Variants in THRB observed in about 807,000 individuals in gnomAD.
THRB encodes the protein thyroid hormone receptor beta.
Under a neutral mutation model 47.8 loss-of-function variants are expected in THRB, and 12 were observed. The ratio of observed to expected loss-of-function variants is 0.25; its 90% confidence interval spans 0.16 to 0.41. The LOEUF is 0.41. Among genes scored for constraint, THRB ranks in the 10% least tolerant of loss-of-function variants. THRB has a pLI of 1.00. For synonymous variants in THRB, 218 were observed against 212.2 expected, an observed-to-expected ratio of 1.03 and a Z score of -0.24; for missense variants, 348 against 589.2, an observed-to-expected ratio of 0.59 and a Z score of 4.24.
intron 5 of THRB, among the ~76,000 whole-genome samples, chr3:24,173,201 A>G (rs1052723357): frequency 6.6e-6 from 1 of 152,170 alleles, no homozygotes; most frequent in African/African-American, 2.4e-5. Flanking sequence ...TTTGAGAACC[A>G]CTGTCTTAGT....
At chr3:24,321,495 G>T (rs1454643597) in intron 2 of THRB, among the ~76,000 whole-genome samples, 1 of 151,990 alleles carries the variant, frequency 6.6e-6, no homozygotes, top group East Asian at 1.9e-4. Context: ...AATCCAAAAG[G>T]TCAACTATAA....
intron 4 of THRB, among the ~76,000 whole-genome samples, chr3:24,208,519 G>C (rs974284770): frequency 6.6e-6 from 1 of 152,142 alleles, no homozygotes; most frequent in Non-Finnish European, 1.5e-5. Context: ...CAATGGAACA[G>C]AACAGAGCCC....
At chr3:24,202,850 C>T (rs1047898310) in intron 4 of THRB, among the ~76,000 whole-genome samples, 2 of 152,180 alleles carry the variant, frequency 1.3e-5, no homozygotes, top group African/African-American at 4.8e-5. Flanking sequence ...TTCATAACAC[C>T]TTTGCTATCT....
At chr3:24,204,819 G>A (rs932406582) in intron 4 of THRB, among the ~76,000 whole-genome samples, 1 of 152,180 alleles carries the variant, frequency 6.6e-6, no homozygotes, top group African/African-American at 2.4e-5. Flanking sequence ...TGACCCGATG[G>A]AGCGGAAAAC....
chr3:24,261,079 C>T (rs181015428), intron 3 of THRB, among the ~76,000 whole-genome samples: 126 of 152,028 alleles, frequency 8.3e-4, no homozygotes, highest in African/African-American at 2.8e-3. Context: ...CTTGGGAATG[C>T]GACCCCAAGC....
intron 1 of THRB, among the ~76,000 whole-genome samples, chr3:24,417,136 A>ACG (rs1266327703): frequency 1.1e-3 from 173 of 151,234 alleles, no homozygotes; most frequent in African/African-American, 4.0e-3. Flanking sequence ...ACACACACAC[A>ACG]CACGCGCAAC....
chr3:24,269,387 A>ACGCGCACGCGCG (rs1384262861), intron 3 of THRB, among the ~76,000 whole-genome samples: 4 of 98,326 alleles, frequency 4.1e-5, no homozygotes, highest in Admixed American at 1.1e-4. Context: ...CATAGCTCAC[A>ACGCGCACGCGCG]CGCGCGCGCG....
At chr3:24,355,721 G>A (rs1216484286) in intron 1 of THRB, among the ~76,000 whole-genome samples, 1 of 152,166 alleles carries the variant, frequency 6.6e-6, no homozygotes, top group East Asian at 1.9e-4. Flanking sequence ...GTGAGGCTCA[G>A]TGCATTCACC....
chr3:24,191,290 CAT>C (rs2043304373), intron 4 of THRB, among the ~76,000 whole-genome samples: 1 of 151,582 alleles, frequency 6.6e-6, no homozygotes, highest in Non-Finnish European at 1.5e-5. Context: ...ATGTTGTACA[CAT>C]TAAAAAAACA....
rs1314035503 is a variant in THRB, at chr3:24,119,782, AAAG to A, written c.*3099_*3101del. 2 of 152,222 alleles carry A rather than the reference AAAG, an allele frequency of 1.3e-5. No homozygotes were observed. The highest frequency in any genetic ancestry group is 1.9e-4 in the East Asian group (1 of 5,200). 9.4% of individuals were successfully genotyped at this position (152,222 alleles called of 1,614,324 possible). On this transcript the variant is annotated 3_prime_UTR_variant, in exon 11 of 11. Transcript: ENST00000646209. ...CACGTGGTGTTTTGAGCAGAATCAT[AAAG>A]AAGAAAACATCTTACTTTTTTCATT...
chr3:24,285,690 A>C (rs2055202671), intron 3 of THRB, among the ~76,000 whole-genome samples: 1 of 152,152 alleles, frequency 6.6e-6, no homozygotes, highest in African/African-American at 2.4e-5. Flanking sequence ...TATGTCTCAA[A>C]TTTAACTAAA....
At chr3:24,414,485 T>A (rs576121604) in intron 1 of THRB, among the ~76,000 whole-genome samples, 2 of 151,940 alleles carry the variant, frequency 1.3e-5, no homozygotes, top group South Asian at 2.1e-4. Context: ...TGTGTGATAA[T>A]TCAGGCCAAA....
At chr3:24,364,636 T>A (rs1577109346) in intron 1 of THRB, among the ~76,000 whole-genome samples, 1 of 152,148 alleles carries the variant, frequency 6.6e-6, no homozygotes, top group African/African-American at 2.4e-5. Context: ...ATCTTTCTGC[T>A]TCATCATCCA....
chr3:24,331,094 A>G (rs554304161), intron 2 of THRB, among the ~76,000 whole-genome samples: 2 of 152,246 alleles, frequency 1.3e-5, no homozygotes, highest in East Asian at 1.9e-4. Flanking sequence ...TGTCAACACC[A>G]TAGATGAGTC....
intron 2 of THRB, among the ~76,000 whole-genome samples, chr3:24,330,074 G>T (rs2061820481): frequency 6.6e-6 from 1 of 152,184 alleles, no homozygotes; most frequent in Non-Finnish European, 1.5e-5. Flanking sequence ...GGGAGGCCGA[G>T]GCGGGTGGAT....
At chr3:24,385,902 A>G (rs550697694) in intron 1 of THRB, among the ~76,000 whole-genome samples, 1 of 152,252 alleles carries the variant, frequency 6.6e-6, no homozygotes, top group African/African-American at 2.4e-5. Context: ...AAGTTCACAT[A>G]CTTCATTTCA....
intron 4 of THRB, among the ~76,000 whole-genome samples, chr3:24,212,201 A>T (rs2046104211): frequency 6.6e-6 from 1 of 152,146 alleles, no homozygotes; most frequent in African/African-American, 2.4e-5. Context: ...GTTCGAGACC[A>T]GCCTGGTCAA....
intron 2 of THRB, among the ~76,000 whole-genome samples, chr3:24,320,736 A>T (rs1363403999): frequency 2.6e-5 from 4 of 152,186 alleles, no homozygotes; most frequent in Non-Finnish European, 5.9e-5. Context: ...GACTTTGCTC[A>T]AAGGTCCAAA....
intron 1 of THRB, among the ~76,000 whole-genome samples, chr3:24,449,440 C>G (rs79526464): frequency 2.0e-5 from 3 of 152,156 alleles, no homozygotes; most frequent in Non-Finnish European, 2.9e-5. Context: ...AGTAACCCAG[C>G]TGGAGAATAC....
Sources: gnomAD v4.1 joint callset for allele counts (sites outside exome capture counted in the v4.1 genomes callset) on GRCh38, gnomAD v4.1.1 for gene constraint, MANE v1.5 for transcripts, NCBI Gene and HGNC (gene_info 2026-07-23, HGNC 2026-07-21) for gene names.